Variants in NKAIN3 observed in about 807,000 individuals in gnomAD.
The protein encoded by NKAIN3 is sodium/potassium-transporting ATPase subunit beta-1-interacting protein 3.
Under a neutral mutation model 30.2 loss-of-function variants are expected in NKAIN3, and 25 were observed. The ratio of observed to expected loss-of-function variants is 0.83; its 90% CI spans 0.60 to 1.16. The LOEUF is 1.16. Among genes scored for constraint, NKAIN3 ranks in the 50% most tolerant of loss-of-function variants. The pLI is 0.00. For synonymous variants in NKAIN3, 91 were observed against 89.6 expected (o/e 1.02, Z -0.09); for missense variants, 225 against 254.1 (o/e 0.89, Z 0.78).
intron 1 of NKAIN3, among the ~76,000 whole-genome samples, chr8:62,561,592 C>G (rs827698): frequency 1 from 152,284 of 152,302 alleles, 76,133 homozygotes; most frequent in Middle Eastern, 1. Context: ...TCCTCACGTT[C>G]GTTCCAATAA....
At chr8:62,767,285 G>A (rs1035263003) in intron 4 of NKAIN3, among the ~76,000 whole-genome samples, 3 of 152,096 alleles carry the variant, frequency 2.0e-5, no homozygotes, top group African/African-American at 4.8e-5. Flanking sequence ...GAGATAAACT[G>A]GTCCCTGCAT....
chr8:62,871,493 C>T (rs964626826), intron 4 of NKAIN3, among the ~76,000 whole-genome samples: 3 of 151,898 alleles, frequency 2.0e-5, no homozygotes, highest in Admixed American at 1.3e-4. Flanking sequence ...GATGAGAACA[C>T]TTAGTATCTA....
At chr8:62,407,412 T>TG (rs1157516614) in intron 1 of NKAIN3, among the ~76,000 whole-genome samples, 1 of 28,682 alleles carries the variant, frequency 3.5e-5, no homozygotes, top group African/African-American at 1.6e-4. Flanking sequence ...TTTTTTTTTT[T>TG]TTTTTTTGAG....
intron 4 of NKAIN3, among the ~76,000 whole-genome samples, chr8:62,812,966 C>CT (rs1370331593): frequency 6.6e-6 from 1 of 151,870 alleles, no homozygotes; most frequent in African/African-American, 2.4e-5. Context: ...GTAACAGGTA[C>CT]TTTCCTCTAG....
intron 1 of NKAIN3, among the ~76,000 whole-genome samples, chr8:62,428,668 G>A (rs1341461906): frequency 2.0e-5 from 3 of 151,720 alleles, no homozygotes; most frequent in Admixed American, 2.0e-4. Context: ...TGTCCATTTA[G>A]CACTTTTGCT....
At chr8:62,581,482 C>T (rs1368261602) in intron 2 of NKAIN3, among the ~76,000 whole-genome samples, 2 of 152,148 alleles carry the variant, frequency 1.3e-5, no homozygotes, top group South Asian at 2.1e-4. Context: ...AAATGTTAAC[C>T]GTATGCACTA....
At chr8:62,428,788 C>T (rs1449723701) in intron 1 of NKAIN3, among the ~76,000 whole-genome samples, 1 of 151,826 alleles carries the variant, frequency 6.6e-6, no homozygotes, top group Admixed American at 6.6e-5. Flanking sequence ...TTTCTCTTCA[C>T]TTATTAATTG....
chr8:62,575,168 A>G (rs1424570965), intron 1 of NKAIN3, among the ~76,000 whole-genome samples: 1 of 152,120 alleles, frequency 6.6e-6, no homozygotes, highest in Non-Finnish European at 1.5e-5. Context: ...TTGGGAAGGA[A>G]GAAGTCAAAT....
At chr8:62,585,773 CCTTATGTGCTT>C (rs1019097018) in intron 2 of NKAIN3, among the ~76,000 whole-genome samples, 3 of 152,066 alleles carry the variant, frequency 2.0e-5, no homozygotes, top group Non-Finnish European at 4.4e-5. Context: ...TTTGAATGGG[CCTTATGTGCTT>C]CTTTGGCTAT....
rs187398869 is a variant in NKAIN3, at chr8:62,613,774, T to C, written c.273+23980T>C. Among the ~76,000 whole-genome samples, 104 of 152,248 alleles carry C rather than the reference T, an allele frequency of 6.8e-4. 1 individual carries two copies. The Middle Eastern group carries it at 0.01, about 15-fold the overall frequency. On this transcript the variant is annotated intron_variant, in intron 3 of 6. Coordinates refer to ENST00000623646, the MANE Select transcript of NKAIN3 (RefSeq NM_001304533.3). ...GTCTTCAAGCTCACTAATTATTACTTCTGCTTGATCAATTCTAATATTAAA... is the reference window on the plus strand; with the variant it reads ...GTCTTCAAGCTCACTAATTATTACTCCTGCTTGATCAATTCTAATATTAAA...
chr8:62,604,038 G>A (rs1172622335), intron 3 of NKAIN3, among the ~76,000 whole-genome samples: 1 of 152,062 alleles, frequency 6.6e-6, no homozygotes, highest in African/African-American at 2.4e-5. Flanking sequence ...GCACAGCAGG[G>A]CTGCCTGGAA....
intron 3 of NKAIN3, among the ~76,000 whole-genome samples, chr8:62,630,038 C>A (rs948568587): frequency 4.6e-5 from 7 of 151,930 alleles, no homozygotes; most frequent in African/African-American, 1.7e-4. Flanking sequence ...AAAGAGAGAA[C>A]CACATTCACA....
chr8:62,552,563 A>G (rs969876019), intron 1 of NKAIN3, among the ~76,000 whole-genome samples: 3 of 152,216 alleles, frequency 2.0e-5, no homozygotes, highest in Admixed American at 6.5e-5. Context: ...CAAATGAAAA[A>G]TGAAACATGC....
At chr8:62,775,980 T>C (rs557013092) in intron 4 of NKAIN3, among the ~76,000 whole-genome samples, 1 of 152,212 alleles carries the variant, frequency 6.6e-6, no homozygotes, top group African/African-American at 2.4e-5. Context: ...TTTACAACTT[T>C]TATATCCACC....
At chr8:62,678,849 T>A (rs1813563083) in intron 3 of NKAIN3, among the ~76,000 whole-genome samples, 3 of 152,190 alleles carry the variant, frequency 2.0e-5, no homozygotes, top group Admixed American at 2.0e-4. Context: ...TTGTGATTTA[T>A]CACATAACAC....
At chr8:62,675,459 T>A (rs987448413) in intron 3 of NKAIN3, among the ~76,000 whole-genome samples, 3 of 152,316 alleles carry the variant, frequency 2.0e-5, no homozygotes, top group Admixed American at 1.3e-4. Flanking sequence ...GCTTGAGAAA[T>A]TCATCCAAAC....
intron 4 of NKAIN3, 122 bp downstream of exon 4, chr8:62,747,251 A>T (rs1816107504): frequency 1.6e-6 from 1 of 618,688 alleles, no homozygotes; most frequent in African/African-American, 1.8e-5. Context: ...ACAGAAATAG[A>T]AGCAATTATG....
At chr8:62,337,378 G>A (rs1018876973) in intron 1 of NKAIN3, among the ~76,000 whole-genome samples, 4 of 151,718 alleles carry the variant, frequency 2.6e-5, no homozygotes, top group African/African-American at 9.7e-5. Flanking sequence ...CTCTACCTTC[G>A]AGGAGCTTAC....
intron 3 of NKAIN3, among the ~76,000 whole-genome samples, chr8:62,634,855 T>C (rs1812077051): frequency 6.6e-6 from 1 of 151,054 alleles, no homozygotes; most frequent in African/African-American, 2.4e-5. Context: ...ATGGTGAACA[T>C]GGAGAGAGAA....
Sources: allele counts gnomAD v4.1 joint callset (sites outside exome capture counted in the v4.1 genomes callset), GRCh38; gene constraint gnomAD v4.1.1; transcripts MANE v1.5; gene names NCBI Gene and HGNC (gene_info 2026-07-23, HGNC 2026-07-21).